Variants in ZNF236 observed in about 807,000 individuals in gnomAD.
The protein encoded by ZNF236 is regulated by glucose.
ZNF236 carries 50 observed loss-of-function variants against 191.2 expected under a neutral mutation model. That is an observed-to-expected ratio of 0.26 (90% CI 0.21 to 0.33). ZNF236 has a LOEUF of 0.33. Ranked by LOEUF, ZNF236 falls within the 10% of genes least tolerant of loss-of-function variation. ZNF236 has a pLI of 1.00. For missense variants in ZNF236, 1,754 were observed against 2,374.5 expected, an observed-to-expected ratio of 0.74 and a Z score of 5.43; for synonymous variants, 907 against 928.8, an observed-to-expected ratio of 0.98 and a Z score of 0.43.
In ZNF236 at chr18:76,908,088, C is replaced by T. The variant is rs76589682; in HGVS notation, c.2298-232C>T. Among the ~76,000 whole-genome samples, 379 of 152,244 alleles carry T rather than the reference C, an allele frequency of 2.5e-3. 3 individuals carry two copies. Among genetic ancestry groups the T allele is most frequent in the African/African-American group, 8.7e-3 (361 of 41,546 alleles). ...CGGGTGTGTGTTGTCCTTCATCCTC[C>T]GTTCGTGCCTTGTGTCTTGTAGCCG... On this transcript the variant is annotated intron_variant, in intron 13 of 30. Transcript: ENST00000320610.
At position 76,925,109 on chromosome 18, in the gene ZNF236, C is replaced by A; in HGVS notation, c.3662-80C>A. The A allele has an allele frequency of 6.5e-7, 1 of 1,545,138 alleles. No individual in the cohort carries two copies. Among genetic ancestry groups the A allele is most frequent in the East Asian group, 2.3e-5 (1 of 44,314 alleles). On this transcript the variant is annotated intron_variant, in intron 21 of 30. Coordinates refer to ENST00000320610, the MANE Select transcript of ZNF236 (RefSeq NM_001306089.2). This position sits in a 1 kb window ranked among gnomAD's most constrained non-coding sequence, Gnocchi z 5.7. ...TCCACTGATTCAACATATTTACATC[C>A]ATAGTGACAGCTGAGTGGGGTGGGG... is the stretch of plus-strand genomic sequence containing the variant.
chr18:76,906,450 A>G (rs1457294702), intron 13 of ZNF236, among the ~76,000 whole-genome samples: 1 of 152,084 alleles, frequency 6.6e-6, no homozygotes, highest in African/African-American at 2.4e-5. Context: ...GATGTTGAGG[A>G]TGCTTGTGTT....
intron 3 of ZNF236, among the ~76,000 whole-genome samples, chr18:76,867,453 A>C (rs1976450153): frequency 6.6e-6 from 1 of 152,174 alleles, no homozygotes; most frequent in Non-Finnish European, 1.5e-5. Context: ...AGGTAGTATC[A>C]ATTAACAGCC....
chr18:76,897,153 TAGTACTGCACACAGGTACCAAAC>T (rs1353491689), intron 10 of ZNF236, among the ~76,000 whole-genome samples: 2 of 145,620 alleles, frequency 1.4e-5, no homozygotes, highest in South Asian at 2.2e-4. Context: ...GTACCAAACA[TAGTACTGCACACAGGTACCAAAC>T]AGTACTGCCC....
intron 10 of ZNF236, among the ~76,000 whole-genome samples, chr18:76,898,614 A>T (rs1464307596): frequency 2.6e-5 from 4 of 152,170 alleles, no homozygotes; most frequent in Non-Finnish European, 4.4e-5. Context: ...AATGTGAGAC[A>T]TTGCTAAGTG....
chr18:76,851,901 A>G lies in ZNF236; in HGVS notation c.325A>G (p.Ser109Gly). 1 of 1,613,754 alleles carries G rather than the reference A, an allele frequency of 6.2e-7. No homozygotes were observed. Among genetic ancestry groups the G allele is most frequent in the Non-Finnish European group, 8.5e-7 (1 of 1,179,850 alleles). The stretch of plus-strand genomic sequence containing the variant: ...TAACAAGAAATTCTCCAGAGTGGCT[A>G]GTCTCAAAGCGCATATTATGCTACA... The part of the protein sequence containing the change: ...VCNKKFSRVA[S>G]LKAHIMLHEK... The change falls in exon 3 of 31, where the codon AGT (serine) becomes GGT (glycine). Residue 109 changes from serine to glycine, a missense_variant. By Grantham distance (56) the Ser-to-Gly change is moderately conservative. Coordinates refer to ENST00000320610, the MANE Select transcript of ZNF236 (RefSeq NM_001306089.2).
intron 9 of ZNF236, chr18:76,886,404 T>C (rs2122667609): frequency 6.5e-6 from 1 of 153,448 alleles, no homozygotes; most frequent in African/African-American, 2.4e-5. Flanking sequence ...TCTGACAAGT[T>C]CCGAAAAACT....
chr18:76,900,882 G>C (rs1427649720), intron 11 of ZNF236, among the ~76,000 whole-genome samples: 1 of 152,180 alleles, frequency 6.6e-6, no homozygotes, highest in African/African-American at 2.4e-5. Flanking sequence ...TCGGGTGGGA[G>C]GACTGGTTTC....
chr18:76,903,468 C>G (rs1453147006), intron 11 of ZNF236, among the ~76,000 whole-genome samples: 1 of 152,104 alleles, frequency 6.6e-6, no homozygotes, highest in Non-Finnish European at 1.5e-5. Flanking sequence ...TCCGGAAAAA[C>G]AGAGTGTGTT....
intron 30 of ZNF236, among the ~76,000 whole-genome samples, chr18:76,965,943 C>T (rs1231578367): frequency 1.3e-5 from 2 of 152,196 alleles, no homozygotes; most frequent in South Asian, 2.1e-4. Context: ...GGGCCCTAGA[C>T]CTCCCAAGAG....
chr18:76,862,001 C>T (rs1263393298), intron 3 of ZNF236, among the ~76,000 whole-genome samples: 8 of 152,170 alleles, frequency 5.3e-5, no homozygotes, highest in African/African-American at 9.6e-5. Context: ...GTAGCTGGGA[C>T]GACAGGCGCC....
chr18:76,956,165 C>T lies in ZNF236; in HGVS notation c.5095C>T (p.Arg1699Cys), dbSNP rs748636169. The T allele has an allele frequency of 3.2e-6, 5 of 1,552,048 alleles. No individual in the cohort carries two copies. Among genetic ancestry groups the T allele is most frequent in the African/African-American group, 1.4e-5 (1 of 73,396 alleles). The change falls in exon 28 of 31, where the codon CGC (arginine) becomes TGC (cysteine). Residue 1699 changes from arginine (R) to cysteine (C), a missense_variant. By Grantham distance (180) the Arg-to-Cys change is radical. This residue lies in a region of ZNF236 where 606 missense variants were observed against 761.5 expected (regional missense o/e 0.80). Coordinates refer to ENST00000320610, the MANE Select transcript of ZNF236 (RefSeq NM_001306089.2). Reference protein sequence around the residue: ...GCPVCRKAFKRATHLKEHMQT... With the variant: ...GCPVCRKAFKCATHLKEHMQT... Reference sequence around the variant, plus strand: ...CCCCGTGTGCAGGAAGGCCTTCAAGCGCGCCACGCACCTCAAGGTAGGCCC... The same window carrying T: ...CCCCGTGTGCAGGAAGGCCTTCAAGTGCGCCACGCACCTCAAGGTAGGCCC...
chr18:76,832,111 G>A (rs575628708), intron 1 of ZNF236, among the ~76,000 whole-genome samples: 9 of 151,900 alleles, frequency 5.9e-5, no homozygotes, highest in African/African-American at 1.5e-4. Context: ...ACAGGGTCTC[G>A]CTCTGTCACC....
intron 9 of ZNF236, among the ~76,000 whole-genome samples, chr18:76,891,083 CT>C (rs1371022836): frequency 2.0e-5 from 3 of 152,152 alleles, no homozygotes; most frequent in Non-Finnish European, 2.9e-5. Context: ...GGCAAGTCTT[CT>C]GGTCAACAGG....
chr18:76,873,522 C>T (rs1052382846), intron 5 of ZNF236, among the ~76,000 whole-genome samples: 5 of 152,142 alleles, frequency 3.3e-5, no homozygotes, highest in Admixed American at 2.0e-4. Context: ...CTGGCGGGCC[C>T]GGGTGGAGGT....
chr18:76,932,711 T>G (rs914584907), intron 25 of ZNF236, among the ~76,000 whole-genome samples: 1 of 152,218 alleles, frequency 6.6e-6, no homozygotes, highest in South Asian at 2.1e-4. Context: ...ACATCCTTAG[T>G]GAGCCCCTGG....
At chr18:76,837,642 A>G (rs968977225) in intron 1 of ZNF236, among the ~76,000 whole-genome samples, 2 of 151,764 alleles carry the variant, frequency 1.3e-5, no homozygotes, top group Non-Finnish European at 2.9e-5. Flanking sequence ...GGGTTTCACC[A>G]TGTTGGCCAG....
chr18:76,928,056 C>A lies in ZNF236; in HGVS notation c.4544C>A (p.Thr1515Asn), dbSNP rs780178604. 22 of 1,613,756 alleles carry A rather than the reference C, an allele frequency of 1.4e-5. No individual in the cohort carries two copies. Among genetic ancestry groups the A allele is most frequent in the Non-Finnish European group, 1.9e-5 (22 of 1,179,910 alleles). Residue 1515 changes from threonine to asparagine, a missense_variant, in exon 25 of 31, where the codon ACT becomes AAT. Thr to Asn is a moderately conservative substitution (Grantham distance 65, BLOSUM62 0). Transcript: ENST00000320610. ...SQVLAQAAGP[T>N]ATSSSGSPQE... is the part of the protein sequence containing the mutation. ...GTCCTGGCACAGGCCGCTGGGCCCA[C>A]TGCCACGTCTTCCTCGGGGTCTCCA...
Position 76,841,431 on chromosome 18 carries a change from A to C in ZNF236, c.56-8095A>C, listed in dbSNP as rs565394381. ...ATAATATGAGCGAACCGACACTATT[A>C]AGGACCACTTAATGAGTTTCTGAAC... is the stretch of plus-strand genomic sequence containing the variant. On this transcript the variant is annotated intron_variant, in intron 1 of 30. Coordinates refer to ENST00000320610, the MANE Select transcript of ZNF236 (RefSeq NM_001306089.2). 2.0e-5 allele frequency among the ~76,000 whole-genome samples: 3 copies of C among 151,904 alleles called. No individual in the cohort carries two copies. The East Asian group carries it at 5.8e-4, about 29-fold the overall frequency.
Sources: allele counts gnomAD v4.1 joint callset (sites outside exome capture counted in the v4.1 genomes callset), GRCh38; gene constraint gnomAD v4.1.1; regional missense constraint gnomAD v4.1.1; non-coding constraint Gnocchi (gnomAD v3.1); transcripts MANE v1.5; gene names NCBI Gene and HGNC (gene_info 2026-07-23, HGNC 2026-07-21).